SLC12A9: variants seen among roughly 807,000 people sequenced by gnomAD.
SLC12A9 encodes the protein CCC-interacting protein 1.
SLC12A9 carries 55 observed loss-of-function variants against 66.0 expected under a neutral mutation model. The ratio of observed to expected loss-of-function variants is 0.83; its 90% confidence interval spans 0.67 to 1.04. SLC12A9 has a LOEUF of 1.04. Ranked by LOEUF, SLC12A9 falls within the 50% of genes least tolerant of loss-of-function variation. SLC12A9 has a pLI of 0.00. For missense variants in SLC12A9, 1,061 were observed against 1,241.9 expected (o/e 0.85, Z 2.19); for synonymous variants, 577 against 569.0 (o/e 1.01, Z -0.20).
intron 9 of SLC12A9, chr7:100,860,892 T>G: frequency 8.1e-6 from 5 of 614,462 alleles, no homozygotes; most frequent in Non-Finnish European, 8.8e-6. Flanking sequence ...CACTGGCACT[T>G]TTGGGGTTTA....
intron 1 of SLC12A9, among the ~76,000 whole-genome samples, chr7:100,829,156 T>C (rs761445491): frequency 2.0e-5 from 3 of 151,896 alleles, no homozygotes; most frequent in Non-Finnish European, 4.4e-5. Flanking sequence ...CCCGGCTAGT[T>C]TTCGTATTTT....
At chr7:100,862,379 C>G (rs1814811743) in intron 12 of SLC12A9, among the ~76,000 whole-genome samples, 1 of 152,292 alleles carries the variant, frequency 6.6e-6, no homozygotes, top group East Asian at 1.9e-4. Context: ...CTGCCTTGGC[C>G]TCCTGAGTAG....
In SLC12A9 at chr7:100,861,382, A is replaced by G. The variant is rs1814741995; in HGVS notation, c.1344-10A>G. 2.5e-6 allele frequency: 4 copies of G among 1,612,898 alleles called. No homozygotes were observed. Among genetic ancestry groups the G allele is most frequent in the Non-Finnish European group, 3.4e-6 (4 of 1,179,340 alleles). On this transcript the variant is annotated splice_polypyrimidine_tract_variant and intron_variant, in intron 10 of 13. Coordinates refer to ENST00000354161, the MANE Select transcript of SLC12A9 (RefSeq NM_020246.4). The surrounding 1 kb of genome is among the most constrained non-coding windows in gnomAD (Gnocchi z 5.3). ...TGAGTTTCTGTCCCTCCTCCCCTCC[A>G]TGCCCGCAGCCCCACCTTCAGCCTG...
rs1815078019 is a variant in SLC12A9 at position 100,866,197 on chromosome 7, G to A, written c.2337G>A (p.Gly779=). The change falls in exon 14 of 14, where the codon GGG becomes GGA. Residue 779 remains glycine (G), a synonymous_variant. Transcript: ENST00000354161. The surrounding 1 kb of genome is among the most constrained non-coding windows in gnomAD (Gnocchi z 7.3). The part of the protein sequence containing the change: ...FLCLGPREAP[G]AAEGRLRALL... The stretch of plus-strand genomic sequence containing the variant: ...GCCTGGGGCCTCGGGAGGCGCCTGG[G>A]GCGGCCGAGGGGCGGCTGCGGGCAC... 1.2e-6 allele frequency: 2 copies of A among 1,611,366 alleles called. No homozygotes were observed. The highest frequency in any genetic ancestry group is 1.3e-5 in the African/African-American group (1 of 75,012).
At chr7:100,839,402 A>C (rs1179076449) in intron 1 of SLC12A9, among the ~76,000 whole-genome samples, 5 of 152,008 alleles carry the variant, frequency 3.3e-5, no homozygotes, top group Non-Finnish European at 7.4e-5. Context: ...CCCTGGCCGA[A>C]TAAACCCCTT....
intron 1 of SLC12A9, among the ~76,000 whole-genome samples, chr7:100,838,856 A>T (rs1256845677): frequency 6.6e-6 from 1 of 152,192 alleles, no homozygotes; most frequent in Non-Finnish European, 1.5e-5. Context: ...TGACCTAATC[A>T]GCCATGTTAT....
intron 9 of SLC12A9, chr7:100,860,752 G>A: frequency 2.6e-6 from 1 of 389,640 alleles, no homozygotes; most frequent in East Asian, 6.6e-5. Context: ...GGGTGCACTG[G>A]CACTCTCTGG....
rs1370268499 is a variant in SLC12A9, at chr7:100,861,269, G to A, written c.1343+7G>A. ...CCTCGGCCCCCAACTTCCGGTGAGA[G>A]ACTCAGATCTGTGTCCCCAGAGAGA... On this transcript the variant is annotated splice_region_variant and intron_variant, in intron 10 of 13. Coordinates refer to ENST00000354161, the MANE Select transcript of SLC12A9 (RefSeq NM_020246.4). This position sits in a 1 kb window ranked among gnomAD's most constrained non-coding sequence, Gnocchi z 5.3. 6.2e-7 allele frequency: 1 copy of A among 1,614,190 alleles called. No homozygotes were observed. The highest frequency in any genetic ancestry group is 1.1e-5 in the South Asian group (1 of 91,088).
At chr7:100,829,324 G>A (rs147759882) in intron 1 of SLC12A9, among the ~76,000 whole-genome samples, 1 of 152,178 alleles carries the variant, frequency 6.6e-6, no homozygotes, top group East Asian at 1.9e-4. Flanking sequence ...CAAGAGAGAC[G>A]TTGGAGCCCA....
intron 3 of SLC12A9, chr7:100,855,395 T>A (rs972430198): frequency 1.8e-4 from 58 of 329,684 alleles, no homozygotes; most frequent in African/African-American, 1.2e-3. Context: ...ATGCTAGGAT[T>A]ACAGGCGTCA....
intron 1 of SLC12A9, among the ~76,000 whole-genome samples, chr7:100,844,047 A>G (rs1185352201): frequency 2.0e-5 from 3 of 152,194 alleles, no homozygotes; most frequent in Non-Finnish European, 2.9e-5. Context: ...TGGTCCACGC[A>G]TGGCCGAAGC....
intron 13 of SLC12A9, chr7:100,865,284 CAG>C: frequency 2.0e-6 from 3 of 1,535,780 alleles, no homozygotes; most frequent in Non-Finnish European, 2.6e-6. Flanking sequence ...CTTCCCATTG[CAG>C]AGTCTGGGAC....
At position 100,859,997 on chromosome 7, in the gene SLC12A9, G is replaced by A; in HGVS notation, c.1090G>A (p.Gly364Ser). The A allele has an allele frequency of 1.2e-6, 2 of 1,613,588 alleles. No individual in the cohort carries two copies. Among genetic ancestry groups the A allele is most frequent in the Non-Finnish European group, 1.7e-6 (2 of 1,179,520 alleles). ...CTCAGCGTCCATGAGCTCGCTCATT[G>A]GTGCCTCCCGCATCCTCCATGCCCT... ...ALSASMSSLI[G>S]ASRILHALAR... is the part of the protein sequence containing the mutation. The change falls in exon 8 of 14, where the codon GGT (glycine) becomes AGT (serine). Residue 364 changes from glycine to serine, a missense_variant. Physicochemically the swap from Gly to Ser is moderately conservative, Grantham distance 56. Transcript: ENST00000354161.
intron 3 of SLC12A9, 62 bp from the exon 4 acceptor site, chr7:100,855,644 G>T (rs1814341459): frequency 6.2e-7 from 1 of 1,608,772 alleles, no homozygotes; most frequent in East Asian, 2.2e-5. Context: ...TGGAGCTATG[G>T]CAACTTCCTC....
intron 1 of SLC12A9, among the ~76,000 whole-genome samples, chr7:100,840,452 C>T (rs1382109722): frequency 2.6e-5 from 4 of 152,086 alleles, no homozygotes; most frequent in Non-Finnish European, 1.5e-5. Context: ...AGCCAGGGAA[C>T]CCAGACCAGT....
chr7:100,866,345 GAGGCAGAGGCC>G lies in SLC12A9; in HGVS notation c.2486_2496del (p.Glu829AlafsTer30). On this transcript the variant is annotated frameshift_variant, in exon 14 of 14. Transcript: ENST00000354161. LOFTEE classifies it high-confidence loss of function. This position sits in a 1 kb window ranked among gnomAD's most constrained non-coding sequence, Gnocchi z 7.3. ...TGTGAACAGTGGGCGGGGAGACGCA[GAGGCAGAGGCC>G]CTGGCACGCAGCGCCAACGCCCTGG... 6.6e-7 allele frequency: 1 copy of G among 1,506,814 alleles called. No homozygotes were observed. Among genetic ancestry groups the G allele is most frequent in the Non-Finnish European group, 8.9e-7 (1 of 1,124,192 alleles). 93.3% of individuals were successfully genotyped at this position (1,506,814 alleles called of 1,614,324 possible). A position where few individuals can be genotyped will look rare whatever the true frequency, so the allele number is the denominator to read the frequency against.
chr7:100,865,652 G>A, intron 13 of SLC12A9, 67 bp from the exon 14 acceptor site: 1 of 1,560,026 alleles, frequency 6.4e-7, no homozygotes, highest in East Asian at 2.2e-5. Flanking sequence ...GTGTGTGGGA[G>A]CGTGGTGTAA....
chr7:100,861,317 G>A lies in SLC12A9; in HGVS notation c.1343+55G>A. 1 of 1,613,178 alleles carries A rather than the reference G, an allele frequency of 6.2e-7. No homozygotes were observed. Among genetic ancestry groups the A allele is most frequent in the Non-Finnish European group, 8.5e-7 (1 of 1,179,320 alleles). ...AGAAGAAGGGAGGACTCGGGCTCAG[G>A]CGTGGGGCTGGGGACTGCAGCCTCG... On this transcript the variant is annotated intron_variant, in intron 10 of 13. Transcript: ENST00000354161. The surrounding 1 kb of genome is among the most constrained non-coding windows in gnomAD (Gnocchi z 5.3).
chr7:100,840,736 AAG>A (rs1002863393), intron 1 of SLC12A9, among the ~76,000 whole-genome samples: 14 of 151,958 alleles, frequency 9.2e-5, no homozygotes, highest in South Asian at 2.1e-4. Flanking sequence ...GAAAGAAAGA[AAG>A]AGAGATATAC....
Sources: gnomAD v4.1 joint callset for allele counts (sites outside exome capture counted in the v4.1 genomes callset) on GRCh38, gnomAD v4.1.1 for gene constraint, Gnocchi (gnomAD v3.1) non-coding constraint, MANE v1.5 for transcripts, NCBI Gene and HGNC (gene_info 2026-07-23, HGNC 2026-07-21) for gene names.